CCDC178: variants seen among roughly 807,000 people sequenced by gnomAD.
CCDC178 encodes coiled-coil domain containing 178, also known as coiled-coil domain-containing protein 178.
A neutral mutation model predicts 117.4 loss-of-function variants in CCDC178; 126 were observed. The ratio of observed to expected loss-of-function variants is 1.07; its 90% confidence interval spans 0.93 to 1.24. CCDC178 has a LOEUF of 1.24. Among genes scored for constraint, CCDC178 ranks in the 50% most tolerant of loss-of-function variants. CCDC178 has a pLI of 0.00. For synonymous variants in CCDC178, 283 were observed against 313.4 expected (o/e 0.90, Z 1.02); for missense variants, 1,030 against 986.9 (o/e 1.04, Z -0.59).
At chr18:33,428,730 C>CAAAAAAAA (rs35234261) in intron 2 of CCDC178, among the ~76,000 whole-genome samples, 1 of 42,340 alleles carries the variant, frequency 2.4e-5, no homozygotes, top group Non-Finnish European at 4.4e-5. Context: ...GACTCTGTCT[C>CAAAAAAAA]AAAAAAAAAA....
intron 21 of CCDC178, among the ~76,000 whole-genome samples, chr18:33,006,461 T>C (rs1385339382): frequency 6.6e-6 from 1 of 152,106 alleles, no homozygotes; most frequent in Non-Finnish European, 1.5e-5. Context: ...ACAATATCAG[T>C]CATAACAGTT....
At chr18:33,384,371 A>C (rs1262542311) in intron 5 of CCDC178, among the ~76,000 whole-genome samples, 1 of 152,140 alleles carries the variant, frequency 6.6e-6, no homozygotes, top group Non-Finnish European at 1.5e-5. Context: ...GAACTCCAGC[A>C]AGATATTCTG....
intron 8 of CCDC178, among the ~76,000 whole-genome samples, chr18:33,347,734 G>T (rs2062916525): frequency 6.6e-6 from 1 of 151,992 alleles, no homozygotes; most frequent in African/African-American, 2.4e-5. Flanking sequence ...ATATATATGT[G>T]TTTTAGCAAA....
chr18:32,973,568 GCA>G (rs145104858), intron 22 of CCDC178, among the ~76,000 whole-genome samples: 2 of 150,396 alleles, frequency 1.3e-5, no homozygotes, highest in African/African-American at 2.4e-5. Flanking sequence ...CATATATAAA[GCA>G]CACACACACA....
chr18:33,008,814 T>C (rs2055802805), intron 21 of CCDC178, among the ~76,000 whole-genome samples: 1 of 152,096 alleles, frequency 6.6e-6, no homozygotes, highest in Non-Finnish European at 1.5e-5. Flanking sequence ...CAACATTATC[T>C]ATATGTGAAA....
intron 20 of CCDC178, among the ~76,000 whole-genome samples, chr18:33,186,296 G>A (rs1188363860): frequency 6.6e-6 from 1 of 152,054 alleles, no homozygotes; most frequent in African/African-American, 2.4e-5. Flanking sequence ...GTATGTGTGT[G>A]TGTGTATTTT....
intron 20 of CCDC178, among the ~76,000 whole-genome samples, chr18:33,149,233 T>A (rs2058312194): frequency 6.6e-6 from 1 of 152,170 alleles, no homozygotes; most frequent in Non-Finnish European, 1.5e-5. Context: ...GGTTAAATAC[T>A]AACTGACTTA....
At chr18:33,166,734 C>T (rs1250996512) in intron 20 of CCDC178, among the ~76,000 whole-genome samples, 2 of 152,162 alleles carry the variant, frequency 1.3e-5, no homozygotes, top group Admixed American at 6.6e-5. Context: ...CCACACTACG[C>T]TGGCCTGTAG....
intron 21 of CCDC178, among the ~76,000 whole-genome samples, chr18:33,035,722 T>C (rs370330306): frequency 6.6e-6 from 1 of 152,032 alleles, no homozygotes; most frequent in Admixed American, 6.6e-5. Flanking sequence ...AAAGTGTTAA[T>C]TTGATTGTGG....
intron 22 of CCDC178, among the ~76,000 whole-genome samples, chr18:32,948,934 G>A (rs1189058967): frequency 6.6e-6 from 1 of 151,948 alleles, no homozygotes. Flanking sequence ...TGTAGTGCAG[G>A]TCTGCTGGTG....
chr18:33,182,738 A>G (rs1284117417), intron 20 of CCDC178, among the ~76,000 whole-genome samples: 1 of 152,022 alleles, frequency 6.6e-6, no homozygotes, highest in African/African-American at 2.4e-5. Context: ...AAAAAGTGTA[A>G]CTCTAAAATC....
At chr18:33,042,019 G>A (rs2056558744) in intron 21 of CCDC178, among the ~76,000 whole-genome samples, 1 of 151,866 alleles carries the variant, frequency 6.6e-6, no homozygotes, top group Non-Finnish European at 1.5e-5. Context: ...AGGAAGAATA[G>A]CGTTGGAAAA....
At chr18:33,177,627 T>C (rs1418858360) in intron 20 of CCDC178, among the ~76,000 whole-genome samples, 3 of 152,144 alleles carry the variant, frequency 2.0e-5, no homozygotes, top group African/African-American at 4.8e-5. Context: ...TTTACTCTAT[T>C]TCTGTCGACT....
chr18:32,952,683 T>G (rs1598724699), intron 22 of CCDC178, among the ~76,000 whole-genome samples: 1 of 152,296 alleles, frequency 6.6e-6, no homozygotes, highest in South Asian at 2.1e-4. Flanking sequence ...TCTTCATTAC[T>G]TAGGCAAATT....
At chr18:33,126,964 G>C (rs1390735660) in intron 20 of CCDC178, among the ~76,000 whole-genome samples, 1 of 143,810 alleles carries the variant, frequency 7.0e-6, no homozygotes, top group Non-Finnish European at 1.5e-5. Context: ...TGCAACTACT[G>C]TATTTTTTAT....
chr18:33,362,143 ATG>A (rs1444544151), intron 6 of CCDC178, among the ~76,000 whole-genome samples: 9 of 148,640 alleles, frequency 6.1e-5, no homozygotes, highest in African/African-American at 1.5e-4. Context: ...ATGCATGTGT[ATG>A]TGTGTCTATA....
At chr18:33,210,702 A>G (rs1317075896) in intron 20 of CCDC178, among the ~76,000 whole-genome samples, 1 of 151,988 alleles carries the variant, frequency 6.6e-6, no homozygotes, top group African/African-American at 2.4e-5. Context: ...GCTTCCTCCA[A>G]TCCATTCGTA....
In CCDC178 at chr18:33,367,686, G is replaced by A. The variant is rs570579016; in HGVS notation, c.348+2364C>T. The stretch of plus-strand genomic sequence containing the variant: ...ATTAGTTCAAATACTGCATAGATTT[G>A]AACTAAATATCTAATGGAGAGTCCT... On this transcript the variant is annotated intron_variant, in intron 6 of 22. Coordinates refer to ENST00000383096, the MANE Select transcript of CCDC178 (RefSeq NM_001105528.4). Among the ~76,000 whole-genome samples the A allele has an allele frequency of 1.9e-3, 283 of 151,868 alleles. 3 individuals are homozygous for A. The highest frequency in any genetic ancestry group is 6.6e-3 in the African/African-American group (273 of 41,492).
At chr18:33,398,724 A>G (rs2063672164) in intron 3 of CCDC178, among the ~76,000 whole-genome samples, 1 of 152,214 alleles carries the variant, frequency 6.6e-6, no homozygotes, top group South Asian at 2.1e-4. Context: ...GAATACAAGC[A>G]TACCTCGGAG....
Sources: allele counts gnomAD v4.1 joint callset (sites outside exome capture counted in the v4.1 genomes callset), GRCh38; gene constraint gnomAD v4.1.1; transcripts MANE v1.5; gene names NCBI Gene and HGNC (gene_info 2026-07-23, HGNC 2026-07-21).